DENND2A: variants seen among roughly 807,000 people sequenced by gnomAD.
DENND2A encodes the protein DENN domain-containing protein 2A.
Under a neutral mutation model 105.3 loss-of-function variants are expected in DENND2A, and 53 were observed. That is an observed-to-expected ratio of 0.50 (90% CI 0.40 to 0.63). The LOEUF (loss-of-function observed/expected upper bound fraction) is 0.63. DENND2A is among the 30% of genes least tolerant of loss of function. The pLI is 0.00. For missense variants in DENND2A, 1,138 were observed against 1,279.6 expected (o/e 0.89, Z 1.69); for synonymous variants, 522 against 508.4 (o/e 1.03, Z -0.36).
intron 14 of DENND2A, among the ~76,000 whole-genome samples, chr7:140,534,887 G>A (rs1312303310): frequency 6.6e-6 from 1 of 152,210 alleles, no homozygotes; most frequent in East Asian, 1.9e-4. Flanking sequence ...GAGGTTGGCT[G>A]GGCCTCAGGG....
chr7:140,541,402 G>A (rs917134806), intron 14 of DENND2A, among the ~76,000 whole-genome samples: 1 of 152,010 alleles, frequency 6.6e-6, no homozygotes, highest in African/African-American at 2.4e-5. Context: ...CACGTTCCCG[G>A]GGGACTCTGT....
At chr7:140,553,393 G>C (rs1028094625) in intron 12 of DENND2A, among the ~76,000 whole-genome samples, 17 of 152,170 alleles carry the variant, frequency 1.1e-4, no homozygotes, top group Admixed American at 8.5e-4. Flanking sequence ...TCAGTAGATC[G>C]AACGTACAAT....
chr7:140,590,892 T>TA (rs1205500231), intron 3 of DENND2A, among the ~76,000 whole-genome samples: 1 of 150,514 alleles, frequency 6.6e-6, no homozygotes, highest in African/African-American at 2.4e-5. Context: ...ATAATAATAA[T>TA]AAAAAAAAGG....
chr7:140,599,269 T>C (rs761823360), intron 3 of DENND2A, among the ~76,000 whole-genome samples: 2 of 151,562 alleles, frequency 1.3e-5, no homozygotes, highest in Non-Finnish European at 2.9e-5. Flanking sequence ...ACCCAGGAGG[T>C]GGAGGATGCA....
chr7:140,548,739 G>T (rs761652250), intron 12 of DENND2A, among the ~76,000 whole-genome samples: 1 of 150,550 alleles, frequency 6.6e-6, no homozygotes, highest in African/African-American at 2.4e-5. Flanking sequence ...TCAGCCTCCC[G>T]AGTAGCTGGG....
At chr7:140,580,789 A>G (rs749416522) in intron 5 of DENND2A, among the ~76,000 whole-genome samples, 1 of 151,696 alleles carries the variant, frequency 6.6e-6, no homozygotes, top group Non-Finnish European at 1.5e-5. Flanking sequence ...GGCGAGTGCC[A>G]CTACACCTGG....
In DENND2A at chr7:140,558,165, A is replaced by G; in HGVS notation, c.1937T>C (p.Phe646Ser). 1 of 1,613,706 alleles carries G rather than the reference A, an allele frequency of 6.2e-7. No individual in the cohort carries two copies. Among genetic ancestry groups the G allele is most frequent in the Non-Finnish European group, 8.5e-7 (1 of 1,179,672 alleles). ...CACCAGCAGTCTTCGGCAGTAACCG[A>G]ACCTTCTGCTCCCATCTTCTCCAGT... ...VLTGEDGSRR[F>S]GYCRRLLPGG... Residue 646 changes from phenylalanine to serine, a missense_variant, in exon 11 of 20, where the codon TTC (phenylalanine) becomes TCC (serine). This residue lies in a region of DENND2A where 627 missense variants were observed against 779.8 expected (regional missense o/e 0.80). Coordinates refer to ENST00000496613, the MANE Select transcript of DENND2A (RefSeq NM_015689.5).
At chr7:140,524,195 C>T (rs73485769) in intron 16 of DENND2A, among the ~76,000 whole-genome samples, 81 of 152,262 alleles carry the variant, frequency 5.3e-4, no homozygotes, top group African/African-American at 1.6e-3. Flanking sequence ...TGATAAAAAA[C>T]AGCATTAATG....
rs2293177 is a variant in DENND2A, at chr7:140,544,760, C to T, written c.2185G>A (p.Glu729Lys). The change falls in exon 14 of 20, where the codon GAA (glutamate) becomes AAA (lysine). Residue 729 changes from glutamate (E) to lysine (K), a missense_variant. Physicochemically the swap from Glu to Lys is moderately conservative, Grantham distance 56 (BLOSUM62 1). This residue lies in a region of DENND2A where 627 missense variants were observed against 779.8 expected (regional missense o/e 0.80). Transcript: ENST00000496613. Reference sequence around the variant, plus strand: ...CGGGAGTCCAGCGGGCGGCACAGTTCGATCACCTGCCAGGGAACAGGAGCA... The same window carrying T: ...CGGGAGTCCAGCGGGCGGCACAGTTTGATCACCTGCCAGGGAACAGGAGCA... ...FLPGSGTEVIELCRPLDSRLE... is the reference protein window; with the variant it reads ...FLPGSGTEVIKLCRPLDSRLE... 0.31 allele frequency: 483,966 copies of T among 1,575,216 alleles called. 75,974 individuals are homozygous for T. The highest frequency in any genetic ancestry group is 0.33 in the Middle Eastern group (1,934 of 5,790).
intron 1 of DENND2A, among the ~76,000 whole-genome samples, chr7:140,629,022 A>G (rs898300113): frequency 1.3e-5 from 2 of 152,238 alleles, no homozygotes; most frequent in Non-Finnish European, 2.9e-5. Flanking sequence ...AAATGGCAAT[A>G]AAAGATTGCA....
At chr7:140,544,952 G>T in intron 13 of DENND2A, 186 bp from the exon 14 acceptor site, 1 of 856,912 alleles carries the variant, frequency 1.2e-6, no homozygotes, top group Non-Finnish European at 1.4e-6. Context: ...ACGGGGGGCG[G>T]AGGAGGTAGC....
intron 1 of DENND2A, among the ~76,000 whole-genome samples, chr7:140,609,601 T>G (rs540771925): frequency 1.3e-5 from 2 of 152,334 alleles, no homozygotes; most frequent in South Asian, 4.1e-4. Context: ...ACACAAGAGT[T>G]CATATATTTT....
At chr7:140,568,903 C>G (rs907133487) in intron 7 of DENND2A, 90 bp from the exon 8 acceptor site, 20 of 1,337,900 alleles carry the variant, frequency 1.5e-5, no homozygotes, top group Middle Eastern at 1.8e-4. Flanking sequence ...ATCAAATGTT[C>G]TAATTCAGAG....
At chr7:140,526,126 C>T (rs1021696886) in intron 15 of DENND2A, among the ~76,000 whole-genome samples, 5 of 152,196 alleles carry the variant, frequency 3.3e-5, no homozygotes, top group Admixed American at 2.0e-4. Context: ...AGGCAAAAGA[C>T]GCTGCAGGCC....
rs779363585 is a variant in DENND2A at position 140,587,653 on chromosome 7, C to A, written c.1123G>T (p.Asp375Tyr). 5 of 1,613,786 alleles carry A rather than the reference C, an allele frequency of 3.1e-6. No individual in the cohort carries two copies. The highest frequency in any genetic ancestry group is 3.4e-6 in the Non-Finnish European group (4 of 1,179,964). The change falls in exon 4 of 20, where the codon GAT becomes TAT. Residue 375 changes from aspartate (D) to tyrosine (Y), a missense_variant and splice_region_variant. Asp to Tyr is a radical substitution (Grantham distance 160, BLOSUM62 -3). This residue lies in a region of DENND2A where 511 missense variants were observed against 499.9 expected (regional missense o/e 1.02). Transcript: ENST00000496613. ...GCACACAGACGCTGTGGCTTCTTACCTAGAATGTCTTCATAGACGTTCTCC... is the reference window on the plus strand; with the variant it reads ...GCACACAGACGCTGTGGCTTCTTACATAGAATGTCTTCATAGACGTTCTCC... ...SEENVYEDIL[D>Y]PPMKENPYED...
chr7:140,597,421 A>G (rs542789545), intron 3 of DENND2A, among the ~76,000 whole-genome samples: 1 of 152,330 alleles, frequency 6.6e-6, no homozygotes, highest in South Asian at 2.1e-4. Context: ...GGACCACAAT[A>G]AAGAGCATAC....
Position 140,623,268 on chromosome 7 carries a change from T to C in DENND2A, c.-248+17236A>G, listed in dbSNP as rs550882010. 2.9e-5 allele frequency among the ~76,000 whole-genome samples: 4 copies of C among 138,544 alleles called. No individual in the cohort carries two copies. The South Asian group carries it at 9.1e-4, about 31-fold the overall frequency. The allele number at this position is 138,544 out of a possible 152,430, so 90.9% of individuals were successfully genotyped here. ...AGGCAGAGGTTGCAGTGAGCCAAGATCATGCCACCGCACTCCAGCCTGGGC... is the reference window on the plus strand; with the variant it reads ...AGGCAGAGGTTGCAGTGAGCCAAGACCATGCCACCGCACTCCAGCCTGGGC... On this transcript the variant is annotated intron_variant, in intron 1 of 19. Transcript: ENST00000496613.
At chr7:140,554,875 C>G (rs1356500727) in intron 12 of DENND2A, among the ~76,000 whole-genome samples, 1 of 152,082 alleles carries the variant, frequency 6.6e-6, no homozygotes. Context: ...AAACTTAGAG[C>G]ACTATTAAAA....
At chr7:140,639,896 T>C (rs1801121429) in intron 1 of DENND2A, among the ~76,000 whole-genome samples, 2 of 152,200 alleles carry the variant, frequency 1.3e-5, no homozygotes, top group Admixed American at 1.3e-4. Context: ...CTCACCCAGC[T>C]CTCTGTGACC....
Sources: allele counts gnomAD v4.1 joint callset (sites outside exome capture counted in the v4.1 genomes callset), GRCh38; gene constraint gnomAD v4.1.1; regional missense constraint gnomAD v4.1.1; transcripts MANE v1.5; gene names NCBI Gene and HGNC (gene_info 2026-07-23, HGNC 2026-07-21).